The following ZNF534 variants were observed in gnomAD, a reference collection of about 807,000 sequenced individuals.
The protein encoded by ZNF534 is KRAB domain only 3.
A neutral mutation model predicts 13.6 loss-of-function variants in ZNF534; 19 were observed. The ratio of observed to expected loss-of-function variants is 1.40; its 90% CI spans 0.97 to 2.05. ZNF534 has a LOEUF of 2.05. Among genes scored for constraint, ZNF534 ranks in the 30% most tolerant of loss-of-function variants. The pLI is 0.00. For missense variants in ZNF534, 782 were observed against 796.3 expected (o/e 0.98, Z 0.22); for synonymous variants, 244 against 273.8 (o/e 0.89, Z 1.07).
downstream of ZNF534, among the ~76,000 whole-genome samples, chr19:52,444,168 A>G (rs1325909952): frequency 6.6e-6 from 1 of 152,078 alleles, no homozygotes. Context: ...GATGTTGTTC[A>G]GATTCTTGTC....
chr19:52,431,622 G>A, intron 2 of ZNF534, 133 bp downstream of exon 2: 1 of 1,194,686 alleles, frequency 8.4e-7, no homozygotes, highest in South Asian at 1.3e-5. Context: ...GCTTCTTCCA[G>A]TCCCTTTCAC....
At chr19:52,436,729 AC>A (rs1292534974) in intron 4 of ZNF534, among the ~76,000 whole-genome samples, 3 of 151,552 alleles carry the variant, frequency 2.0e-5, no homozygotes, top group Admixed American at 6.6e-5. Flanking sequence ...CTGCTGTTAA[AC>A]CCCCTAATGG....
At position 52,439,329 on chromosome 19, in the gene ZNF534, A is replaced by G. The variant is rs2059155817; in HGVS notation, c.1869A>G (p.Gln623=). The change falls in exon 5 of 5, where the codon CAA becomes CAG. Residue 623 remains glutamine, a synonymous_variant. Coordinates refer to ENST00000433050, the MANE Select transcript of ZNF534 (RefSeq NM_001143938.3). The part of the protein sequence containing the change: ...KVFSRNSRLA[Q]HRNIHTGVKP... ...TCAGTCGGAATTCACGCCTTGCACA[A>G]CATAGGAATATTCATACTGGAGTGA... The G allele has an allele frequency of 2.6e-6, 4 of 1,554,062 alleles. No individual in the cohort carries two copies. The African/African-American group carries it at 4.1e-5, about 16-fold the overall frequency.
Position 52,438,182 on chromosome 19 carries a change from C to CTT in ZNF534, c.723_724dup (p.Tyr242PhefsTer78), listed in dbSNP as rs2059141973. ...CAACGAATCCATACTGGAGAGAAGC[C>CTT]TTACAAATATAATGAATGTGGCAAA... On this transcript the variant is annotated frameshift_variant, in exon 5 of 5. Coordinates refer to ENST00000433050, the MANE Select transcript of ZNF534 (RefSeq NM_001143938.3). LOFTEE classifies it low-confidence loss of function (END_TRUNC). 6.2e-7 allele frequency: 1 copy of CTT among 1,613,280 alleles called. No homozygotes were observed. Among genetic ancestry groups the CTT allele is most frequent in the Non-Finnish European group, 8.5e-7 (1 of 1,179,776 alleles).
At chr19:52,436,708 C>T (rs905902107) in intron 4 of ZNF534, among the ~76,000 whole-genome samples, 1 of 152,072 alleles carries the variant, frequency 6.6e-6, no homozygotes, top group African/African-American at 2.4e-5. Flanking sequence ...GTTTTCCTTT[C>T]CTTTTGCTGT....
rs1266934089 is a variant in ZNF534, at chr19:52,439,292, G to T, written c.1832G>T (p.Cys611Phe). 2 of 1,563,034 alleles carry T rather than the reference G, an allele frequency of 1.3e-6. No individual in the cohort carries two copies. Among genetic ancestry groups the T allele is most frequent in the African/African-American group, 2.7e-5 (2 of 73,144 alleles). ...GAGAAGCTTTACAAATGTAATGAAT[G>T]TAGCAAGGTCTTCAGTCGGAATTCA... is the stretch of plus-strand genomic sequence containing the variant. ...TGEKLYKCNECSKVFSRNSRL... is the reference protein window; with the variant it reads ...TGEKLYKCNEFSKVFSRNSRL... The change falls in exon 5 of 5, where the codon TGT becomes TTT. Residue 611 changes from cysteine to phenylalanine, a missense_variant. Physicochemically the swap from Cys to Phe is radical, Grantham distance 205. Around this residue, in one of 5 missense-constraint regions of ZNF534, gnomAD observed 20 missense variants for 43.6 expected, o/e 0.46. Transcript: ENST00000433050.
downstream of ZNF534, among the ~76,000 whole-genome samples, chr19:52,443,860 T>C (rs2059185161): frequency 2.0e-5 from 3 of 152,066 alleles, no homozygotes; most frequent in South Asian, 6.2e-4. Flanking sequence ...TGTAAGTGCA[T>C]CCATTGTTTC....
Position 52,439,325 on chromosome 19 carries a change from C to T in ZNF534, c.1865C>T (p.Ala622Val), listed in dbSNP as rs1235946465. The T allele has an allele frequency of 6.4e-7, 1 of 1,554,334 alleles. No homozygotes were observed. Among genetic ancestry groups the T allele is most frequent in the African/African-American group, 1.4e-5 (1 of 72,966 alleles). ...GTCTTCAGTCGGAATTCACGCCTTG[C>T]ACAACATAGGAATATTCATACTGGA... The part of the protein sequence containing the change: ...SKVFSRNSRL[A>V]QHRNIHTGVK... The change falls in exon 5 of 5, where the codon GCA becomes GTA. Residue 622 changes from alanine to valine, a missense_variant. Physicochemically the swap from Ala to Val is moderately conservative, Grantham distance 64. Coordinates refer to ENST00000433050, the MANE Select transcript of ZNF534 (RefSeq NM_001143938.3).
intron 2 of ZNF534, among the ~76,000 whole-genome samples, chr19:52,433,232 A>C (rs2059100883): frequency 9.8e-6 from 1 of 101,592 alleles, no homozygotes; most frequent in African/African-American, 3.5e-5. Context: ...GTAAGATCCT[A>C]TCTCAAAAAA....
chr19:52,449,349 C>T (rs1383284590), intron 4 of ZNF534, among the ~76,000 whole-genome samples: 1 of 92,080 alleles, frequency 1.1e-5, no homozygotes, highest in Admixed American at 1.3e-4. Context: ...GGATTTCCAT[C>T]CTCATTCTCT....
Position 52,450,149 on chromosome 19 carries a change from C to A in ZNF534, c.272-1038C>A, listed in dbSNP as rs112950012. Among the ~76,000 whole-genome samples, 17 of 152,252 alleles carry A rather than the reference C, an allele frequency of 1.1e-4. 1 individual carries two copies. Among genetic ancestry groups the A allele is most frequent in the African/African-American group, 4.1e-4 (17 of 41,550 alleles). ...TGTCTCTTCACTATGTTGACTGTTT[C>A]CTGTGCTGTGCAGAATCTTTTTAGT... On this transcript the variant is annotated intron_variant, in intron 4 of 4. Coordinates refer to the ZNF534 transcript ENST00000301085.
exon 5 of ZNF534, chr19:52,451,439 C>T (rs1361490608): frequency 7.7e-6 from 5 of 645,238 alleles, no homozygotes; most frequent in African/African-American, 7.5e-5. Flanking sequence ...AGTGCGGCGC[C>T]GCACGCCCCG....
At chr19:52,430,198 T>G (rs1167318301) in intron 1 of ZNF534, among the ~76,000 whole-genome samples, 8 of 151,668 alleles carry the variant, frequency 5.3e-5, no homozygotes, top group African/African-American at 1.9e-4. Context: ...ATATTTTTAG[T>G]ACAGACAGGG....
chr19:52,440,933 G>T lies in ZNF534; in HGVS notation c.*1487G>T, dbSNP rs529742817. Among the ~76,000 whole-genome samples the T allele has an allele frequency of 5.4e-5, 8 of 148,536 alleles. No homozygotes were observed. In the East Asian group the frequency reaches 1.6e-3, roughly 29 times the overall value. On this transcript the variant is annotated 3_prime_UTR_variant, in exon 5 of 5. Coordinates refer to ENST00000433050, the MANE Select transcript of ZNF534 (RefSeq NM_001143938.3). ...TTTTTTCCCCCGAAACAAGAGTCTC[G>T]CTCTGATGCCCAGGCTGGAGTGCAG...
chr19:52,432,224 C>T (rs1022543363), intron 2 of ZNF534, among the ~76,000 whole-genome samples: 1 of 151,894 alleles, frequency 6.6e-6, no homozygotes, highest in African/African-American at 2.4e-5. Context: ...ATGGGGATAT[C>T]GATTATATAT....
downstream of ZNF534, among the ~76,000 whole-genome samples, chr19:52,444,536 T>A (rs2561013): frequency 0.92 from 139,238 of 151,964 alleles, 64,147 homozygotes; most frequent in Non-Finnish European, 0.97. Flanking sequence ...TGGGGAGGAT[T>A]AGGTGGGGGC....
intron 1 of ZNF534, among the ~76,000 whole-genome samples, chr19:52,430,696 C>G (rs946028817): frequency 6.6e-6 from 1 of 151,268 alleles, no homozygotes; most frequent in Non-Finnish European, 1.5e-5. Context: ...ATTATAGGTG[C>G]CTGCCATTAC....
chr19:52,450,796 C>T (rs967893983), intron 4 of ZNF534, among the ~76,000 whole-genome samples: 2 of 149,172 alleles, frequency 1.3e-5, no homozygotes, highest in African/African-American at 4.9e-5. Context: ...AAGCGATTCA[C>T]CTGCCTCAGT....
intron 4 of ZNF534, among the ~76,000 whole-genome samples, chr19:52,435,948 T>C (rs935627977): frequency 4.1e-5 from 6 of 147,634 alleles, no homozygotes; most frequent in Admixed American, 3.3e-4. Flanking sequence ...TCTTTTTTTT[T>C]TTTTTTTTGA....
Sources: allele counts gnomAD v4.1 joint callset (sites outside exome capture counted in the v4.1 genomes callset), GRCh38; gene constraint gnomAD v4.1.1; regional missense constraint gnomAD v4.1.1; transcripts MANE v1.5; gene names NCBI Gene and HGNC (gene_info 2026-07-23, HGNC 2026-07-21).